Variants in LRRTM4 observed in about 807,000 individuals in gnomAD.
The protein encoded by LRRTM4 is leucine-rich repeat transmembrane neuronal protein 4.
Under a neutral mutation model 47.6 loss-of-function variants are expected in LRRTM4, and 25 were observed. The ratio of observed to expected loss-of-function variants is 0.53; its 90% CI spans 0.38 to 0.73. LRRTM4 has a LOEUF of 0.73. Ranked by LOEUF, LRRTM4 falls within the 30% of genes least tolerant of loss-of-function variation. The pLI is 0.00. For missense variants in LRRTM4, 638 were observed against 713.4 expected (o/e 0.89, Z 1.20); for synonymous variants, 311 against 269.5 (o/e 1.15, Z -1.51).
chr2:77,341,900 A>G (rs1671386057), intron 3 of LRRTM4, among the ~76,000 whole-genome samples: 1 of 152,010 alleles, frequency 6.6e-6, no homozygotes, highest in South Asian at 2.1e-4. Context: ...AAAGTCTGTG[A>G]AAGGCATTGT....
At position 77,251,523 on chromosome 2, in the gene LRRTM4, T is replaced by G. The variant is rs191540604; in HGVS notation, c.1551+266795A>C. ...ACCTCAGAAGTTATAATAAACAACG[T>G]GAGTCTAAAGCTAGCTATGTATCAT... On this transcript the variant is annotated intron_variant, in intron 3 of 3. Transcript: ENST00000409884. Among the ~76,000 whole-genome samples, 212 of 152,196 alleles carry G rather than the reference T, an allele frequency of 1.4e-3. 2 individuals carry two copies. Among genetic ancestry groups the G allele is most frequent in the African/African-American group, 4.8e-3 (200 of 41,550 alleles).
At position 77,519,700 on chromosome 2, in the gene LRRTM4, C is replaced by G; in HGVS notation, c.169G>C (p.Glu57Gln). 6.2e-7 allele frequency: 1 copy of G among 1,613,368 alleles called. No homozygotes were observed. Among genetic ancestry groups the G allele is most frequent in the East Asian group, 2.2e-5 (1 of 44,818 alleles). The part of the protein sequence containing the change: ...CESHAFADIP[E>Q]NISGGSQGLS... ...CCTTGTGACCCTCCAGAAATGTTCTCAGGGATATCTGCGAAAGCATGAGAC... is the reference window on the plus strand; with the variant it reads ...CCTTGTGACCCTCCAGAAATGTTCTGAGGGATATCTGCGAAAGCATGAGAC... The change falls in exon 3 of 4, where the codon GAG becomes CAG. Residue 57 changes from glutamate (E) to glutamine (Q), a missense_variant. Glu to Gln is a conservative substitution (Grantham distance 29). Transcript: ENST00000409884. The surrounding 1 kb of genome is among the most constrained non-coding windows in gnomAD (Gnocchi z 4.6).
chr2:77,067,685 G>A (rs1423910454), intron 3 of LRRTM4, among the ~76,000 whole-genome samples: 2 of 78,490 alleles, frequency 2.5e-5, no homozygotes, highest in African/African-American at 8.6e-5. Flanking sequence ...TCAAAGATAC[G>A]TACACACACA....
At chr2:77,214,076 C>G (rs549215456) in intron 3 of LRRTM4, among the ~76,000 whole-genome samples, 1 of 152,234 alleles carries the variant, frequency 6.6e-6, no homozygotes, top group South Asian at 2.1e-4. Context: ...AACATTGAGT[C>G]TAAATGAAAA....
At chr2:77,391,082 C>A (rs62162572) in intron 3 of LRRTM4, among the ~76,000 whole-genome samples, 1 of 151,910 alleles carries the variant, frequency 6.6e-6, no homozygotes, top group Admixed American at 6.6e-5. Context: ...AAATTCTTTA[C>A]TAATGAATAT....
rs144459616 is a variant in LRRTM4 at position 77,358,321 on chromosome 2, C to G, written c.1551+159997G>C. On this transcript the variant is annotated intron_variant, in intron 3 of 3. Transcript: ENST00000409884. Reference sequence around the variant, plus strand: ...CAAAATGTTCCTAGGAGAGCAAAGCCAAGAGGCATCCTGGCTTTATAACAA... The same window carrying G: ...CAAAATGTTCCTAGGAGAGCAAAGCGAAGAGGCATCCTGGCTTTATAACAA... Among the ~76,000 whole-genome samples, 349 of 152,192 alleles carry G rather than the reference C, an allele frequency of 2.3e-3. 1 individual carries two copies. The highest frequency in any genetic ancestry group is 7.8e-3 in the African/African-American group (326 of 41,532).
At chr2:76,833,518 A>T in intron 3 of LRRTM4, among the ~76,000 whole-genome samples, 1 of 152,158 alleles carries the variant, frequency 6.6e-6, no homozygotes, top group East Asian at 1.9e-4. Context: ...TAGAAAATTG[A>T]TGGTTCATTT....
chr2:76,775,215 T>A (rs1673912275), intron 3 of LRRTM4, among the ~76,000 whole-genome samples: 1 of 152,250 alleles, frequency 6.6e-6, no homozygotes, highest in African/African-American at 2.4e-5. Flanking sequence ...TGCAATTTTT[T>A]CTGTAAGTAG....
At chr2:77,087,076 C>T (rs953841277) in intron 3 of LRRTM4, among the ~76,000 whole-genome samples, 3 of 152,138 alleles carry the variant, frequency 2.0e-5, no homozygotes, top group African/African-American at 7.2e-5. Context: ...CATACCAAAA[C>T]TAAAGCAACC....
At chr2:77,306,845 C>T (rs939651336) in intron 3 of LRRTM4, among the ~76,000 whole-genome samples, 3 of 150,034 alleles carry the variant, frequency 2.0e-5, no homozygotes, top group Non-Finnish European at 4.4e-5. Context: ...AAATTAAATG[C>T]TATTCATTAT....
intron 3 of LRRTM4, among the ~76,000 whole-genome samples, chr2:77,064,875 T>A (rs1484824307): frequency 6.6e-6 from 1 of 152,084 alleles, no homozygotes; most frequent in Non-Finnish European, 1.5e-5. Context: ...TAACCTACCC[T>A]TGACTTAACC....
chr2:77,097,949 TA>T (rs1670856671), intron 3 of LRRTM4, among the ~76,000 whole-genome samples: 1 of 151,500 alleles, frequency 6.6e-6, no homozygotes, highest in African/African-American at 2.4e-5. Context: ...TATATGAGAA[TA>T]AAAAGATAAA....
chr2:77,076,592 T>G (rs1238666152), intron 3 of LRRTM4, among the ~76,000 whole-genome samples: 1 of 152,136 alleles, frequency 6.6e-6, no homozygotes, highest in East Asian at 1.9e-4. Flanking sequence ...CGGGGAATAG[T>G]ATTAATTCTT....
intron 3 of LRRTM4, among the ~76,000 whole-genome samples, chr2:76,951,560 A>C (rs1675495449): frequency 6.6e-6 from 1 of 151,972 alleles, no homozygotes; most frequent in Non-Finnish European, 1.5e-5. Context: ...GTGAACCTTA[A>C]AAATTTCAAG....
At chr2:76,867,184 T>G (rs1049326295) in intron 3 of LRRTM4, among the ~76,000 whole-genome samples, 2 of 152,136 alleles carry the variant, frequency 1.3e-5, no homozygotes, top group East Asian at 1.9e-4. Flanking sequence ...TATATACTTA[T>G]GTAACAAAGC....
intron 3 of LRRTM4, among the ~76,000 whole-genome samples, chr2:77,475,065 A>G (rs1456195788): frequency 6.6e-6 from 1 of 152,048 alleles, no homozygotes. Context: ...AATCAGACAA[A>G]CAGATATCAA....
intron 3 of LRRTM4, among the ~76,000 whole-genome samples, chr2:77,397,765 A>C (rs1338977325): frequency 1.3e-5 from 2 of 151,834 alleles, no homozygotes; most frequent in African/African-American, 4.8e-5. Flanking sequence ...CTTATCAGTA[A>C]ATTTAAAAAG....
intron 3 of LRRTM4, among the ~76,000 whole-genome samples, chr2:77,299,851 T>A: frequency 9.0e-6 from 1 of 111,414 alleles, no homozygotes; most frequent in East Asian, 2.6e-4. Flanking sequence ...GTAATGATTT[T>A]TTTTTTTTTT....
intron 3 of LRRTM4, among the ~76,000 whole-genome samples, chr2:77,126,350 A>G (rs1199848043): frequency 6.6e-6 from 1 of 152,180 alleles, no homozygotes; most frequent in Non-Finnish European, 1.5e-5. Flanking sequence ...AAATATATAC[A>G]GGAATTTCAT....
Sources: gnomAD v4.1 joint callset for allele counts (sites outside exome capture counted in the v4.1 genomes callset) on GRCh38, gnomAD v4.1.1 for gene constraint, Gnocchi (gnomAD v3.1) non-coding constraint, MANE v1.5 for transcripts, NCBI Gene and HGNC (gene_info 2026-07-23, HGNC 2026-07-21) for gene names.